BAZ2B: variants seen among roughly 807,000 people sequenced by gnomAD.
BAZ2B encodes bromodomain adjacent to zinc finger domain 2B.
BAZ2B carries 91 observed loss-of-function variants against 246.0 expected under a neutral mutation model. That is an observed-to-expected ratio of 0.37 (90% CI 0.31 to 0.44). The LOEUF is 0.44. Among genes scored for constraint, BAZ2B ranks in the 20% least tolerant of loss-of-function variants. The probability of loss-of-function intolerance (pLI) is 1.00; values close to 1 mark genes in which losing one functional copy is unlikely to be tolerated. For synonymous variants in BAZ2B, 855 were observed against 860.0 expected, an observed-to-expected ratio of 0.99 and a Z score of 0.10; for missense variants, 2,332 against 2,533.7, an observed-to-expected ratio of 0.92 and a Z score of 1.71.
At chr2:159,697,957 T>C in the BAZ2B span, among the ~76,000 whole-genome samples, 1 of 152,202 alleles carries the variant, frequency 6.6e-6, no homozygotes, top group Non-Finnish European at 1.5e-5. Flanking sequence ...TGTGTGGTCT[T>C]AGGTAAGTAA....
chr2:159,507,052 C>T (rs1303658471), intron 2 of BAZ2B, among the ~76,000 whole-genome samples: 3 of 152,104 alleles, frequency 2.0e-5, no homozygotes, highest in Non-Finnish European at 4.4e-5. Context: ...GGTACTTCTA[C>T]TAAGTTATCT....
At chr2:159,554,260 G>A (rs2088764120) in intron 2 of BAZ2B, among the ~76,000 whole-genome samples, 2 of 151,976 alleles carry the variant, frequency 1.3e-5, no homozygotes, top group South Asian at 4.1e-4. Context: ...ATAAAAATAA[G>A]CTGTGGGAGT....
intron 13 of BAZ2B, among the ~76,000 whole-genome samples, chr2:159,424,581 G>A (rs1310234071): frequency 2.6e-5 from 4 of 152,022 alleles, no homozygotes; most frequent in Admixed American, 6.6e-5. Context: ...TGGGGGTTTT[G>A]GGATATGTTT....
At chr2:159,451,689 G>A (rs2075115395) in intron 4 of BAZ2B, among the ~76,000 whole-genome samples, 2 of 152,114 alleles carry the variant, frequency 1.3e-5, no homozygotes, top group Admixed American at 1.3e-4. Context: ...GAGCATAGTA[G>A]ATGTCCAAAG....
chr2:159,661,658 G>A, the BAZ2B span, among the ~76,000 whole-genome samples: 1 of 152,138 alleles, frequency 6.6e-6, no homozygotes, highest in Non-Finnish European at 1.5e-5. Context: ...ATATCTCAAT[G>A]TGTGAGTGTA....
chr2:159,350,674 G>T (rs994203295), intron 27 of BAZ2B, among the ~76,000 whole-genome samples: 1 of 152,144 alleles, frequency 6.6e-6, no homozygotes, highest in African/African-American at 2.4e-5. Flanking sequence ...GGGTTCAAGC[G>T]ATTCTCCTGC....
chr2:159,507,239 A>T (rs191944734), intron 2 of BAZ2B, among the ~76,000 whole-genome samples: 167 of 152,300 alleles, frequency 1.1e-3, no homozygotes, highest in Admixed American at 8.5e-3. Context: ...TGTAAAATAT[A>T]GCCTGATACA....
intron 1 of BAZ2B, among the ~76,000 whole-genome samples, chr2:159,570,011 G>C (rs1010739686): frequency 1.3e-5 from 2 of 152,074 alleles, no homozygotes; most frequent in African/African-American, 4.8e-5. Context: ...CAATATACAT[G>C]TGTTAAACTA....
chr2:159,565,019 C>T (rs571878724), intron 1 of BAZ2B, among the ~76,000 whole-genome samples: 6 of 152,156 alleles, frequency 3.9e-5, no homozygotes, highest in South Asian at 2.1e-4. Context: ...TAGAAGTGTG[C>T]GCCACCACAA....
the BAZ2B span, among the ~76,000 whole-genome samples, chr2:159,708,191 G>A: frequency 6.6e-6 from 1 of 152,108 alleles, no homozygotes; most frequent in Non-Finnish European, 1.5e-5. Context: ...CCACACAGGA[G>A]GCTGAGGCAG....
intron 18 of BAZ2B, 118 bp from the exon 19 acceptor site, chr2:159,397,507 A>G: frequency 3.8e-6 from 2 of 522,468 alleles, no homozygotes; most frequent in Non-Finnish European, 6.6e-6. Context: ...ACCATATGAA[A>G]TGGCCAATAT....
chr2:159,701,278 T>A, the BAZ2B span, among the ~76,000 whole-genome samples: 3 of 152,298 alleles, frequency 2.0e-5, no homozygotes, highest in African/African-American at 7.2e-5. Context: ...GTGAGAATTT[T>A]AAAACAAAGT....
At chr2:159,563,473 A>G (rs550384663) in intron 1 of BAZ2B, among the ~76,000 whole-genome samples, 1 of 152,326 alleles carries the variant, frequency 6.6e-6, no homozygotes, top group East Asian at 1.9e-4. Flanking sequence ...CAATTAATTT[A>G]TAGTACTTGG....
chr2:159,668,461 A>G, the BAZ2B span, among the ~76,000 whole-genome samples: 1 of 152,078 alleles, frequency 6.6e-6, no homozygotes, highest in South Asian at 2.1e-4. Flanking sequence ...TCCAGTATAT[A>G]CTCCTTTTCA....
intron 3 of BAZ2B, among the ~76,000 whole-genome samples, chr2:159,472,092 A>T (rs1002229519): frequency 7.9e-5 from 12 of 152,224 alleles, no homozygotes; most frequent in Admixed American, 7.2e-4. Context: ...TTTAGTGAGC[A>T]TGGAATGTTT....
At chr2:159,689,117 A>G in the BAZ2B span, 13 of 287,772 alleles carry the variant, frequency 4.5e-5, no homozygotes, top group Middle Eastern at 7.6e-4. Context: ...ATTCCTGACT[A>G]GAATTCTATT....
At chr2:159,495,038 T>G (rs976929135) in intron 2 of BAZ2B, among the ~76,000 whole-genome samples, 1 of 152,132 alleles carries the variant, frequency 6.6e-6, no homozygotes, top group African/African-American at 2.4e-5. Flanking sequence ...GGGTGGCCTT[T>G]TCAGGGGCCA....
chr2:159,704,091 A>G, the BAZ2B span, among the ~76,000 whole-genome samples: 1 of 152,222 alleles, frequency 6.6e-6, no homozygotes, highest in East Asian at 1.9e-4. Flanking sequence ...CTTGGTATAA[A>G]TGGCATGCTT....
intron 27 of BAZ2B, among the ~76,000 whole-genome samples, chr2:159,364,527 G>C (rs959097894): frequency 3.9e-5 from 6 of 152,090 alleles, no homozygotes; most frequent in Non-Finnish European, 5.9e-5. Flanking sequence ...TAAGTAGCTG[G>C]AAGTATACCT....
Sources: gnomAD v4.1 joint callset for allele counts (sites outside exome capture counted in the v4.1 genomes callset) on GRCh38, gnomAD v4.1.1 for gene constraint, MANE v1.5 for transcripts, NCBI Gene and HGNC (gene_info 2026-07-23, HGNC 2026-07-21) for gene names.